POLR2F: variants seen among roughly 807,000 people sequenced by gnomAD.
POLR2F encodes the protein RNA polymerase II, I and III subunit F.
A neutral mutation model predicts 22.7 loss-of-function variants in POLR2F; 12 were observed. The ratio of observed to expected loss-of-function variants is 0.53; its 90% CI spans 0.34 to 0.86. The LOEUF is 0.86. Ranked by LOEUF, POLR2F falls within the 40% of genes least tolerant of loss-of-function variation. The probability of loss-of-function intolerance (pLI) is 0.02; values close to 1 mark genes in which losing one functional copy is unlikely to be tolerated. For synonymous variants in POLR2F, 57 were observed against 66.0 expected, an observed-to-expected ratio of 0.86 and a Z score of 0.66; for missense variants, 126 against 171.5, an observed-to-expected ratio of 0.73 and a Z score of 1.48.
chr22:37,983,807 G>GCCT (rs1601887308), upstream of POLR2F: 2 of 1,405,536 alleles, frequency 1.4e-6, no homozygotes, highest in African/African-American at 3.1e-5. The surrounding 1 kb of genome is among the most constrained non-coding windows in gnomAD (Gnocchi z 9.5). Flanking sequence ...CGCCGCCGCC[G>GCCT]CCGCCTCGGC....
At position 38,016,586 on chromosome 22, in the gene POLR2F, G is replaced by T. The variant is rs1433529520; in HGVS notation, c.121-9283G>T. 6.6e-6 allele frequency among the ~76,000 whole-genome samples: 1 copy of T among 152,206 alleles called. No individual in the cohort carries two copies. Among genetic ancestry groups the T allele is most frequent in the Non-Finnish European group, 1.5e-5 (1 of 68,032 alleles). ...TGGGGGCTTAGAAGCAGCTGCGCGCGACGTTGACATTGTTCCCACCATTCT... is the reference window on the plus strand; with the variant it reads ...TGGGGGCTTAGAAGCAGCTGCGCGCTACGTTGACATTGTTCCCACCATTCT... On this transcript the variant is annotated intron_variant, in intron 1 of 2. Transcript: ENST00000333418. This position sits in a 1 kb window ranked among gnomAD's most constrained non-coding sequence, Gnocchi z 4.4.
At position 38,007,969 on chromosome 22, in the gene POLR2F, G is replaced by C. The variant is rs1226319849; in HGVS notation, c.121-17900G>C. Among the ~76,000 whole-genome samples the C allele has an allele frequency of 2.0e-5, 3 of 152,190 alleles. No individual in the cohort carries two copies. In the South Asian group the frequency reaches 6.2e-4, roughly 31 times the overall value. Reference sequence around the variant, plus strand: ...CTTTACAATAAACTCGCTGGGTGTGGTGGCTCACGCCTATAATCCTAGCAC... The same window carrying C: ...CTTTACAATAAACTCGCTGGGTGTGCTGGCTCACGCCTATAATCCTAGCAC... On this transcript the variant is annotated intron_variant, in intron 1 of 2. Coordinates refer to the POLR2F transcript ENST00000333418.
In POLR2F at chr22:38,036,998, C is replaced by G. The variant is rs576755719; in HGVS notation, c.453-4070C>G. On this transcript the variant is annotated intron_variant, in intron 5 of 5. Coordinates refer to the POLR2F transcript ENST00000407936. ...GACCACCATGTCTAACATAACACCC[C>G]TCCCATCTCTCTTCACGTTTACCCT... Among the ~76,000 whole-genome samples, 7 of 152,330 alleles carry G rather than the reference C, an allele frequency of 4.6e-5. No individual in the cohort carries two copies. The East Asian group carries it at 1.4e-3, about 29-fold the overall frequency.
chr22:37,998,474 G>A (rs2084738044), intron 1 of POLR2F, among the ~76,000 whole-genome samples: 1 of 152,224 alleles, frequency 6.6e-6, no homozygotes, highest in Non-Finnish European at 1.5e-5. Flanking sequence ...AGGGCCTGGT[G>A]AGAACCTCAG....
intron 1 of POLR2F, among the ~76,000 whole-genome samples, chr22:37,996,922 A>G (rs111386704): frequency 1.1e-3 from 161 of 152,290 alleles, no homozygotes; most frequent in African/African-American, 3.7e-3. Context: ...CTACTGCCAT[A>G]GATGGTCTAA....
chr22:37,957,099 T>G (rs1473119365), intron 2 of POLR2F, among the ~76,000 whole-genome samples: 9 of 152,216 alleles, frequency 5.9e-5, no homozygotes. Flanking sequence ...AACGGTGCCT[T>G]CCTTCATTTG....
At chr22:37,965,650 A>G (rs555835752) in intron 3 of POLR2F, among the ~76,000 whole-genome samples, 5 of 152,368 alleles carry the variant, frequency 3.3e-5, no homozygotes, top group East Asian at 3.8e-4. Context: ...TAAATACTTC[A>G]TCTCTGCCCT....
At chr22:37,991,436 A>AT (rs979362180) in intron 1 of POLR2F, among the ~76,000 whole-genome samples, 1 of 152,122 alleles carries the variant, frequency 6.6e-6, no homozygotes, top group Non-Finnish European at 1.5e-5. Flanking sequence ...TTTAAAACAA[A>AT]TTTTTTTTAA....
chr22:38,003,857 G>A (rs535501421), intron 1 of POLR2F, among the ~76,000 whole-genome samples: 27 of 152,278 alleles, frequency 1.8e-4, no homozygotes, highest in African/African-American at 4.3e-4. Flanking sequence ...GATTACAGGC[G>A]TGAGCCACTG....
intron 1 of POLR2F, among the ~76,000 whole-genome samples, chr22:37,993,644 A>G (rs1011060960): frequency 6.6e-6 from 1 of 152,060 alleles, no homozygotes; most frequent in African/African-American, 2.4e-5. Flanking sequence ...TAACCTTCCC[A>G]TGCCTCAATC....
chr22:37,954,206 A>T (rs1160037944), intron 1 of POLR2F, among the ~76,000 whole-genome samples: 1 of 151,920 alleles, frequency 6.6e-6, no homozygotes, highest in African/African-American at 2.4e-5. Flanking sequence ...GAGCTTCCCC[A>T]GTTCTAGACG....
At position 38,016,724 on chromosome 22, in the gene POLR2F, C is replaced by T. The variant is rs1399040209; in HGVS notation, c.121-9145C>T. On this transcript the variant is annotated intron_variant, in intron 1 of 2. Transcript: ENST00000333418. The surrounding 1 kb of genome is among the most constrained non-coding windows in gnomAD (Gnocchi z 4.4). ...TGGGCGGGTGGAAAGAGTGCTGGCA[C>T]GCACCGCGGGGGGAGGGGGCGGGAG... 8.1e-5 allele frequency among the ~76,000 whole-genome samples: 12 copies of T among 148,704 alleles called. No homozygotes were observed. The highest frequency in any genetic ancestry group is 4.7e-4 in the Admixed American group (7 of 14,954).
intron 1 of POLR2F, among the ~76,000 whole-genome samples, chr22:37,955,182 GGA>G (rs1354113867): frequency 6.6e-6 from 1 of 151,690 alleles, no homozygotes; most frequent in Admixed American, 6.6e-5. Context: ...GGCTATAGGG[GGA>G]GAGAGAAGAG....
downstream of POLR2F, chr22:38,041,232 TG>T (rs998038914): frequency 9.5e-6 from 13 of 1,367,924 alleles, no homozygotes; most frequent in African/African-American, 1.5e-4. Flanking sequence ...TCTAGACTGA[TG>T]GACCAGATGG....
At chr22:37,990,311 G>A (rs1015349019) in intron 1 of POLR2F, among the ~76,000 whole-genome samples, 1 of 152,228 alleles carries the variant, frequency 6.6e-6, no homozygotes, top group African/African-American at 2.4e-5. Flanking sequence ...GGCAGCTCCC[G>A]GGGTTGGAAT....
intron 1 of POLR2F, among the ~76,000 whole-genome samples, chr22:37,999,503 G>A (rs956489622): frequency 6.6e-5 from 10 of 152,156 alleles, no homozygotes; most frequent in African/African-American, 2.4e-4. Context: ...GGAGGCCTAG[G>A]AGGGTGTGGT....
rs547035544 is a variant in POLR2F at position 37,975,721 on chromosome 22, A to G, written c.293+8551A>G. On this transcript the variant is annotated intron_variant, in intron 4 of 4. Coordinates refer to the POLR2F transcript ENST00000405557. The stretch of plus-strand genomic sequence containing the variant: ...TGAATCCTGGTTCTGTGTCTGGACA[A>G]ATCCCCAGTCTTCTCTTAACTAGTT... Among the ~76,000 whole-genome samples, 15 of 152,284 alleles carry G rather than the reference A, an allele frequency of 9.9e-5. No individual in the cohort carries two copies. The South Asian group carries it at 3.1e-3, about 32-fold the overall frequency.
intron 3 of POLR2F, among the ~76,000 whole-genome samples, chr22:37,966,678 T>C (rs970513842): frequency 6.6e-6 from 1 of 151,936 alleles, no homozygotes; most frequent in African/African-American, 2.4e-5. Context: ...AGCAGGAGAA[T>C]TGCTTGAGCC....
At position 37,967,907 on chromosome 22, in the gene POLR2F, T is replaced by A; in HGVS notation, c.*192T>A. On this transcript the variant is annotated 3_prime_UTR_variant, in exon 5 of 5. Transcript: ENST00000442738. ...TTCCAGTGGCCCTGTGACTGTCAGC[T>A]CCTTAAGAAGCACCAGGGGCCCTTA... 7.6e-7 allele frequency: 1 copy of A among 1,317,348 alleles called. No homozygotes were observed. Among genetic ancestry groups the A allele is most frequent in the South Asian group, 1.9e-5 (1 of 53,512 alleles). The allele number at this position is 1,317,348 out of a possible 1,614,324, so 81.6% of individuals were successfully genotyped here. A position where few individuals can be genotyped will look rare whatever the true frequency, so the allele number is the denominator to read the frequency against.
Sources: gnomAD v4.1 joint callset for allele counts (sites outside exome capture counted in the v4.1 genomes callset) on GRCh38, gnomAD v4.1.1 for gene constraint, Gnocchi (gnomAD v3.1) non-coding constraint, MANE v1.5 for transcripts, NCBI Gene and HGNC (gene_info 2026-07-23, HGNC 2026-07-21) for gene names.